TIAM1: variants seen among roughly 807,000 people sequenced by gnomAD.
TIAM1 encodes the protein rho guanine nucleotide exchange factor TIAM1.
In TIAM1, 65 loss-of-function variants were observed where a neutral mutation model predicts 163.5. The observed-to-expected ratio is 0.40, with a 90% CI of 0.33 to 0.49. TIAM1 has a LOEUF of 0.49. Among genes scored for constraint, TIAM1 ranks in the 20% least tolerant of loss-of-function variants. The pLI is 0.77. For synonymous variants in TIAM1, 833 were observed against 810.1 expected (o/e 1.03, Z -0.48); for missense variants, 1,789 against 2,044.7 (o/e 0.87, Z 2.41).
intron 2 of TIAM1, among the ~76,000 whole-genome samples, chr21:31,461,897 G>A (rs2045342945): frequency 6.6e-6 from 1 of 152,118 alleles, no homozygotes; most frequent in Admixed American, 6.6e-5. Flanking sequence ...GAACTCCTGG[G>A]CTCAAGCGAT....
chr21:31,319,550 G>A (rs541472183), intron 2 of TIAM1, among the ~76,000 whole-genome samples: 4 of 151,982 alleles, frequency 2.6e-5, no homozygotes, highest in Admixed American at 2.0e-4. Context: ...AGGCCAAGAC[G>A]GGTGGATCAT....
chr21:31,401,168 A>G (rs1032604782), intron 2 of TIAM1, among the ~76,000 whole-genome samples: 2 of 152,338 alleles, frequency 1.3e-5, no homozygotes, highest in East Asian at 3.9e-4. Flanking sequence ...ACAAGTGCAT[A>G]TGAAAAGATG....
intron 2 of TIAM1, among the ~76,000 whole-genome samples, chr21:31,352,318 A>T (rs187310431): frequency 6.6e-6 from 1 of 152,320 alleles, no homozygotes; most frequent in African/African-American, 2.4e-5. Context: ...AAGTGAAAGA[A>T]GTCAGACACA....
intron 2 of TIAM1, among the ~76,000 whole-genome samples, chr21:31,454,591 G>A (rs191375804): frequency 2.5e-4 from 38 of 152,284 alleles, no homozygotes; most frequent in Admixed American, 2.1e-3. Flanking sequence ...CCCAGCACGC[G>A]TGTCCAAGCC....
Position 31,228,233 on chromosome 21 carries a change from A to AGG in TIAM1, c.1585-2284_1585-2283insCC, listed in dbSNP as rs1569068675. Among the ~76,000 whole-genome samples the AGG allele has an allele frequency of 3.7e-3, 115 of 31,296 alleles. 6 individuals are homozygous for AGG. The East Asian group carries it at 0.089, about 24-fold the overall frequency. 20.5% of individuals were successfully genotyped at this position (31,296 alleles called of 152,430 possible). The stretch of plus-strand genomic sequence containing the variant: ...GCCTCCTTTTTTTAAAAAAAAAAAA[A>AGG]AAAAAAAAAAAAAAAAAAAAAAAAA... On this transcript the variant is annotated intron_variant, in intron 6 of 27. Coordinates refer to ENST00000541036, the MANE Select transcript of TIAM1 (RefSeq NM_001353694.2).
chr21:31,120,406 C>G lies in TIAM1; in HGVS notation c.4738G>C (p.Asp1580His). The stretch of plus-strand genomic sequence containing the variant: ...TTCAGTTTCCTGGAGGGGGCAAAGT[C>G]TTCACGCCTAACCCAAATGACTTCC... ...SEEVIWVRRE[D>H]FAPSRKLNTE... The change falls in exon 28 of 28, where the codon GAC (aspartate) becomes CAC (histidine). Residue 1580 changes from aspartate to histidine, a missense_variant. By Grantham distance (81) the Asp-to-His change is moderately conservative. Around this residue, in one of 5 missense-constraint regions of TIAM1, gnomAD observed 415 missense variants for 439.2 expected, o/e 0.94. Transcript: ENST00000541036. The surrounding 1 kb of genome is among the most constrained non-coding windows in gnomAD (Gnocchi z 4.2). 6.2e-7 allele frequency: 1 copy of G among 1,613,452 alleles called. No individual in the cohort carries two copies. Among genetic ancestry groups the G allele is most frequent in the Non-Finnish European group, 8.5e-7 (1 of 1,179,696 alleles).
chr21:31,297,578 A>G (rs2074332078), intron 2 of TIAM1, among the ~76,000 whole-genome samples: 1 of 152,050 alleles, frequency 6.6e-6, no homozygotes, highest in Admixed American at 6.5e-5. Flanking sequence ...TATTTTAGGT[A>G]TCACCATGTT....
intron 2 of TIAM1, among the ~76,000 whole-genome samples, chr21:31,336,452 C>T (rs1472222079): frequency 6.7e-6 from 1 of 149,530 alleles, no homozygotes; most frequent in Admixed American, 6.7e-5. Context: ...CAGGCTCACA[C>T]AGAAATGGGC....
chr21:31,217,192 C>T (rs1228143196), intron 9 of TIAM1, among the ~76,000 whole-genome samples: 1 of 148,492 alleles, frequency 6.7e-6, no homozygotes, highest in Non-Finnish European at 1.5e-5. Context: ...GGTGACAGAG[C>T]GAGACTCTGT....
chr21:31,487,106 G>A (rs2046297971), intron 1 of TIAM1, among the ~76,000 whole-genome samples: 1 of 152,160 alleles, frequency 6.6e-6, no homozygotes, highest in African/African-American at 2.4e-5. Flanking sequence ...TCAGGGCTGG[G>A]GGCAATCCAG....
intron 13 of TIAM1, among the ~76,000 whole-genome samples, chr21:31,190,845 T>G (rs1238962474): frequency 6.6e-6 from 1 of 152,192 alleles, no homozygotes; most frequent in Non-Finnish European, 1.5e-5. Flanking sequence ...TTCTCCTCCC[T>G]AAAGTGTTCT....
chr21:31,528,079 T>A (rs183526985), intron 1 of TIAM1, among the ~76,000 whole-genome samples: 5 of 152,278 alleles, frequency 3.3e-5, no homozygotes, highest in Admixed American at 6.5e-5. Context: ...GACTTCAGTG[T>A]TTAAACAACA....
intron 2 of TIAM1, among the ~76,000 whole-genome samples, chr21:31,352,702 GATAAATAA>G (rs1382281030): frequency 6.6e-6 from 1 of 151,016 alleles, no homozygotes; most frequent in Non-Finnish European, 1.5e-5. Context: ...AAAATAAATA[GATAAATAA>G]ATAAATAAAT....
chr21:31,319,545 A>G (rs1337519194), intron 2 of TIAM1, among the ~76,000 whole-genome samples: 1 of 152,088 alleles, frequency 6.6e-6, no homozygotes, highest in Admixed American at 6.6e-5. Context: ...TTGGGAGGCC[A>G]AGACGGGTGG....
chr21:31,153,185 A>T (rs1412839023), intron 17 of TIAM1, 51 bp from the exon 18 acceptor site: 16 of 1,431,334 alleles, frequency 1.1e-5, no homozygotes, highest in Middle Eastern at 1.8e-4. Context: ...TTTTTTATAT[A>T]CCCTAGAACT....
intron 1 of TIAM1, among the ~76,000 whole-genome samples, chr21:31,493,287 G>A (rs1372696447): frequency 3.3e-5 from 5 of 152,170 alleles, no homozygotes; most frequent in Admixed American, 3.3e-4. Flanking sequence ...ATTAGGAGCA[G>A]GGAGGAGTAA....
At chr21:31,207,481 G>T (rs1224421214) in intron 11 of TIAM1, among the ~76,000 whole-genome samples, 14 of 152,130 alleles carry the variant, frequency 9.2e-5, no homozygotes. Flanking sequence ...TTACAATCAT[G>T]TTTGTTTTCA....
At chr21:31,220,180 C>G (rs57623078) in intron 8 of TIAM1, among the ~76,000 whole-genome samples, 8,878 of 152,270 alleles carry the variant, frequency 0.058, 884 homozygotes, top group African/African-American at 0.2. Flanking sequence ...TTCATACACA[C>G]AGCAATACCT....
intron 2 of TIAM1, among the ~76,000 whole-genome samples, chr21:31,401,916 A>G (rs1413198415): frequency 6.6e-6 from 1 of 151,610 alleles, no homozygotes; most frequent in Non-Finnish European, 1.5e-5. Context: ...ATCTCTTAAA[A>G]AAAAAAAAAA....
Sources: gnomAD v4.1 joint callset for allele counts (sites outside exome capture counted in the v4.1 genomes callset) on GRCh38, gnomAD v4.1.1 for gene constraint, gnomAD v4.1.1 regional missense constraint, Gnocchi (gnomAD v3.1) non-coding constraint, MANE v1.5 for transcripts, NCBI Gene and HGNC (gene_info 2026-07-23, HGNC 2026-07-21) for gene names.